The following JAKMIP2 variants were observed in gnomAD, a reference collection of about 807,000 sequenced individuals.
JAKMIP2 encodes the protein janus kinase and microtubule-interacting protein 2.
In JAKMIP2, 25 loss-of-function variants were observed where a neutral mutation model predicts 115.0. The observed-to-expected ratio is 0.22, with a 90% CI of 0.16 to 0.30. The LOEUF (loss-of-function observed/expected upper bound fraction) is 0.30, where lower values mean the gene tolerates loss of function less well. JAKMIP2 is among the 10% of genes least tolerant of loss of function. The pLI is 1.00. For missense variants in JAKMIP2, 642 were observed against 957.6 expected (o/e 0.67, Z 4.35); for synonymous variants, 334 against 343.6 (o/e 0.97, Z 0.31).
intron 1 of JAKMIP2, among the ~76,000 whole-genome samples, chr5:147,683,608 G>A (rs534188013): frequency 6.6e-6 from 1 of 152,264 alleles, no homozygotes; most frequent in East Asian, 1.9e-4. Flanking sequence ...ATAACTGACA[G>A]CAAGATTTTC....
chr5:147,727,256 T>A (rs1031472365), intron 1 of JAKMIP2, among the ~76,000 whole-genome samples: 4 of 152,206 alleles, frequency 2.6e-5, no homozygotes, highest in Non-Finnish European at 4.4e-5. Flanking sequence ...GCCTTATTGG[T>A]TTCACCTGTG....
At chr5:147,607,385 G>C (rs1219109818) in intron 20 of JAKMIP2, among the ~76,000 whole-genome samples, 1 of 152,170 alleles carries the variant, frequency 6.6e-6, no homozygotes, top group African/African-American at 2.4e-5. Context: ...TAGCATGAAT[G>C]GGTGTTGAAT....
intron 12 of JAKMIP2, among the ~76,000 whole-genome samples, chr5:147,634,237 G>C (rs1698934666): frequency 6.6e-6 from 1 of 152,004 alleles, no homozygotes. Flanking sequence ...TTTATTCTTA[G>C]AAGCCTGAGC....
chr5:147,649,125 G>C (rs528548965), intron 4 of JAKMIP2, among the ~76,000 whole-genome samples: 9 of 152,096 alleles, frequency 5.9e-5, no homozygotes, highest in Non-Finnish European at 1.2e-4. Context: ...ATGTTGTAGA[G>C]TTATATAAGA....
At chr5:147,678,733 T>G (rs1258601801) in intron 1 of JAKMIP2, among the ~76,000 whole-genome samples, 1 of 152,166 alleles carries the variant, frequency 6.6e-6, no homozygotes, top group African/African-American at 2.4e-5. Context: ...CCATTCTCCA[T>G]GATGTACTTA....
intron 12 of JAKMIP2, among the ~76,000 whole-genome samples, chr5:147,635,413 T>C (rs1370076938): frequency 6.8e-6 from 1 of 146,574 alleles, no homozygotes; most frequent in East Asian, 1.9e-4. Flanking sequence ...AAATCTTTCA[T>C]TAAAAAAAAA....
intron 2 of JAKMIP2, among the ~76,000 whole-genome samples, chr5:147,670,790 T>C (rs1012677186): frequency 3.9e-5 from 6 of 152,190 alleles, no homozygotes; most frequent in African/African-American, 1.4e-4. Context: ...GCATCATCTT[T>C]AAATTATTCC....
Position 147,702,648 on chromosome 5 carries a change from GAAAGAAAGAAAGAA to G in JAKMIP2, c.-148-30708_-148-30695del, listed in dbSNP as rs1561547595. On this transcript the variant is annotated intron_variant, in intron 1 of 21. Transcript: ENST00000616793. ...AGAAAGAAAGAAAGAAAGAAAGAAA[GAAAGAAAGAAAGAA>G]AGAGAGAGAAAGAAAGAGAAAGAAA... 1.9e-4 allele frequency among the ~76,000 whole-genome samples: 20 copies of G among 108,038 alleles called. 1 individual carries two copies. Among genetic ancestry groups the G allele is most frequent in the African/African-American group, 5.1e-4 (12 of 23,346 alleles). 70.9% of individuals were successfully genotyped at this position (108,038 alleles called of 152,430 possible).
At position 147,669,140 on chromosome 5, in the gene JAKMIP2, TCTCTTAAAGC is replaced by T. The variant is rs1211248169; in HGVS notation, c.129+2528_129+2537del. 8.5e-5 allele frequency among the ~76,000 whole-genome samples: 13 copies of T among 152,310 alleles called. No individual in the cohort carries two copies. The South Asian group carries it at 1.7e-3, about 19-fold the overall frequency. On this transcript the variant is annotated intron_variant, in intron 2 of 21. Transcript: ENST00000616793. ...ACACCTTGGCATTGTTCATATTCTC[TCTCTTAAAGC>T]CTGGCCCTTTGAAAATACAATCCTA...
chr5:147,674,614 G>A (rs559598811), intron 1 of JAKMIP2, among the ~76,000 whole-genome samples: 2 of 152,304 alleles, frequency 1.3e-5, no homozygotes, highest in South Asian at 2.1e-4. Context: ...GAACATATGT[G>A]TAATAACAAT....
At chr5:147,625,260 C>T (rs1215531208) in intron 16 of JAKMIP2, among the ~76,000 whole-genome samples, 5 of 152,132 alleles carry the variant, frequency 3.3e-5, no homozygotes, top group Non-Finnish European at 7.4e-5. Context: ...GGATTACAGG[C>T]GTGAGCCACT....
intron 2 of JAKMIP2, among the ~76,000 whole-genome samples, chr5:147,669,832 C>T (rs974340281): frequency 6.6e-6 from 1 of 152,144 alleles, no homozygotes; most frequent in Non-Finnish European, 1.5e-5. Context: ...GCTGCTTTAC[C>T]GAATTACAAG....
chr5:147,671,475 T>C (rs185660103), intron 2 of JAKMIP2, among the ~76,000 whole-genome samples: 21 of 152,326 alleles, frequency 1.4e-4, no homozygotes, highest in Admixed American at 1.1e-3. Context: ...CTAGTGAGTA[T>C]GCTATTTTCA....
intron 1 of JAKMIP2, among the ~76,000 whole-genome samples, chr5:147,761,039 C>T (rs930356300): frequency 3.3e-5 from 5 of 152,128 alleles, no homozygotes; most frequent in Non-Finnish European, 7.4e-5. Context: ...TAATTAAAAA[C>T]AGTTAAATAA....
At chr5:147,663,054 G>T (rs1185365386) in intron 2 of JAKMIP2, among the ~76,000 whole-genome samples, 1 of 152,054 alleles carries the variant, frequency 6.6e-6, no homozygotes, top group African/African-American at 2.4e-5. Flanking sequence ...ATAGCTAGTT[G>T]AGTGATATCG....
intron 1 of JAKMIP2, among the ~76,000 whole-genome samples, chr5:147,707,743 T>C (rs1029100831): frequency 2.0e-5 from 3 of 152,178 alleles, no homozygotes. Flanking sequence ...TGGGTTTTGA[T>C]ACTAAATTTA....
intron 1 of JAKMIP2, among the ~76,000 whole-genome samples, chr5:147,766,533 A>C (rs1755164581): frequency 6.6e-6 from 1 of 152,082 alleles, no homozygotes; most frequent in Non-Finnish European, 1.5e-5. Context: ...ACATTGCTTT[A>C]CTCTAAACAA....
At chr5:147,629,626 ATT>A in intron 15 of JAKMIP2, 65 bp downstream of exon 15, 1 of 1,089,754 alleles carries the variant, frequency 9.2e-7, no homozygotes, top group Admixed American at 1.7e-5. Context: ...CACATGATGC[ATT>A]GTTAAGTATC....
At chr5:147,777,422 T>TA (rs1755599644) in intron 1 of JAKMIP2, among the ~76,000 whole-genome samples, 2 of 152,276 alleles carry the variant, frequency 1.3e-5, no homozygotes, top group Admixed American at 1.3e-4. Context: ...AGAAGCAATA[T>TA]AAAACAATGC....
Sources: allele counts gnomAD v4.1 joint callset (sites outside exome capture counted in the v4.1 genomes callset), GRCh38; gene constraint gnomAD v4.1.1; transcripts MANE v1.5; gene names NCBI Gene and HGNC (gene_info 2026-07-23, HGNC 2026-07-21).